Variants in TTC6 observed in about 807,000 individuals in gnomAD.
TTC6 encodes tetratricopeptide repeat protein 6.
TTC6 carries 172 observed loss-of-function variants against 210.4 expected under a neutral mutation model. The observed-to-expected ratio is 0.82, with a 90% CI of 0.72 to 0.93. The LOEUF (loss-of-function observed/expected upper bound fraction) is 0.93. TTC6 is among the 40% of genes least tolerant of loss of function. The probability of loss-of-function intolerance (pLI) is 0.00; values close to 1 mark genes in which losing one functional copy is unlikely to be tolerated. For synonymous variants in TTC6, 804 were observed against 819.6 expected (o/e 0.98, Z 0.32); for missense variants, 2,414 against 2,318.1 (o/e 1.04, Z -0.85).
intron 18 of TTC6, among the ~76,000 whole-genome samples, chr14:37,795,854 T>A (rs539702651): frequency 2.0e-5 from 3 of 152,162 alleles, no homozygotes; most frequent in Non-Finnish European, 4.4e-5. Flanking sequence ...TTATGAGTTA[T>A]CACTATCAAA....
exon 1 of TTC6, chr14:37,595,887 G>A: frequency 6.6e-6 from 1 of 151,830 alleles, no homozygotes; most frequent in East Asian, 1.9e-4. Context: ...CCCCACTTTT[G>A]CTTCGTCACT....
chr14:37,802,108 C>G (rs1348332925), intron 20 of TTC6: 1 of 152,074 alleles, frequency 6.6e-6, no homozygotes, highest in Admixed American at 6.6e-5. Context: ...GTGGATGGAG[C>G]TGGAAGCCAT....
At chr14:37,748,988 G>A in exon 11 of TTC6, 2 of 1,531,944 alleles carry the variant, frequency 1.3e-6, no homozygotes, top group Non-Finnish European at 1.7e-6. Context: ...TTTGTTCAAA[G>A]TTCCATTATA....
chr14:37,643,085 A>G (rs1185300229), intron 1 of TTC6, among the ~76,000 whole-genome samples: 2 of 152,176 alleles, frequency 1.3e-5, no homozygotes, highest in East Asian at 1.9e-4. Context: ...AGGCAGGGGA[A>G]TCACTTGAGG....
chr14:37,623,576 C>G (rs1165117161), intron 1 of TTC6, among the ~76,000 whole-genome samples: 1 of 152,210 alleles, frequency 6.6e-6, no homozygotes, highest in Non-Finnish European at 1.5e-5. Context: ...ACACACTTTA[C>G]ATGCATTTTT....
intron 15 of TTC6, among the ~76,000 whole-genome samples, chr14:37,789,021 A>G (rs984074200): frequency 1.3e-5 from 2 of 152,056 alleles, no homozygotes; most frequent in Admixed American, 6.6e-5. Context: ...CAAAATTCCT[A>G]TTATTTAATT....
chr14:37,747,464 A>G (rs1566927867), intron 10 of TTC6, among the ~76,000 whole-genome samples: 1 of 152,222 alleles, frequency 6.6e-6, no homozygotes, highest in Non-Finnish European at 1.5e-5. Flanking sequence ...TGAGAGAACA[A>G]AAAGAGGGAG....
intron 1 of TTC6, among the ~76,000 whole-genome samples, chr14:37,678,949 T>C (rs71407710): frequency 0.057 from 8,717 of 152,214 alleles, 384 homozygotes; most frequent in Non-Finnish European, 0.089. Context: ...CCAGGCACAG[T>C]GTCTCATGCC....
At chr14:37,599,694 A>G (rs748259242) in intron 1 of TTC6, among the ~76,000 whole-genome samples, 2 of 151,920 alleles carry the variant, frequency 1.3e-5, no homozygotes, top group Non-Finnish European at 2.9e-5. Context: ...GCCAAAATCA[A>G]CTCGCATTTT....
At chr14:37,835,457 G>A (rs2096195608) in intron 29 of TTC6, among the ~76,000 whole-genome samples, 1 of 152,084 alleles carries the variant, frequency 6.6e-6, no homozygotes, top group Admixed American at 6.6e-5. Flanking sequence ...TTGAGAATTT[G>A]ATGAAGTTAA....
chr14:37,709,109 T>C (rs2095840344), intron 5 of TTC6, among the ~76,000 whole-genome samples: 1 of 152,014 alleles, frequency 6.6e-6, no homozygotes, highest in Non-Finnish European at 1.5e-5. Context: ...CCATCTGCCA[T>C]TTCTCAATGA....
intron 29 of TTC6, among the ~76,000 whole-genome samples, chr14:37,838,136 A>C (rs751769669): frequency 6.6e-6 from 1 of 152,186 alleles, no homozygotes. Context: ...TCTTTAAGGT[A>C]GGTTTTAAAG....
At chr14:37,631,930 A>G (rs2095670699) in intron 1 of TTC6, among the ~76,000 whole-genome samples, 1 of 151,994 alleles carries the variant, frequency 6.6e-6, no homozygotes, top group African/African-American at 2.4e-5. Context: ...TTTATGCTTC[A>G]TGAAGTTCTC....
At chr14:37,630,526 C>T (rs177836) in intron 1 of TTC6, among the ~76,000 whole-genome samples, 30,690 of 151,950 alleles carry the variant, frequency 0.2, 3,417 homozygotes, top group South Asian at 0.26. Context: ...AGAATAAGTG[C>T]GATGTGATGC....
At chr14:37,732,924 A>G (rs1456018006) in intron 7 of TTC6, among the ~76,000 whole-genome samples, 1 of 152,102 alleles carries the variant, frequency 6.6e-6, no homozygotes, top group African/African-American at 2.4e-5. Flanking sequence ...TAGTCTTTAT[A>G]CTGATTAGGC....
chr14:37,630,811 A>C (rs1419343617), intron 1 of TTC6, among the ~76,000 whole-genome samples: 5 of 148,428 alleles, frequency 3.4e-5, no homozygotes, highest in Non-Finnish European at 5.9e-5. Flanking sequence ...TTCTTGTTGC[A>C]TTGATCCCTT....
At chr14:37,744,929 A>G (rs1426444951) in intron 10 of TTC6, among the ~76,000 whole-genome samples, 1 of 152,084 alleles carries the variant, frequency 6.6e-6, no homozygotes, top group Non-Finnish European at 1.5e-5. Flanking sequence ...AGTAGTGGAA[A>G]GTGGTTAGAT....
intron 13 of TTC6, among the ~76,000 whole-genome samples, chr14:37,752,095 G>C (rs2095954076): frequency 6.6e-6 from 1 of 151,914 alleles, no homozygotes; most frequent in Non-Finnish European, 1.5e-5. Flanking sequence ...AAAGTGGTGG[G>C]GTTACAGGCG....
intron 6 of TTC6, among the ~76,000 whole-genome samples, chr14:37,721,117 T>A: frequency 6.6e-6 from 1 of 151,600 alleles, no homozygotes. Context: ...AAAAAAAATG[T>A]AGCCTCAGTT....
Sources: gnomAD v4.1 joint callset for allele counts (sites outside exome capture counted in the v4.1 genomes callset) on GRCh38, gnomAD v4.1.1 for gene constraint, MANE v1.5 for transcripts, NCBI Gene and HGNC (gene_info 2026-07-23, HGNC 2026-07-21) for gene names.